Variants in CDC42BPA observed in about 807,000 individuals in gnomAD.
CDC42BPA encodes the protein serine/threonine-protein kinase MRCK alpha.
CDC42BPA carries 80 observed loss-of-function variants against 223.5 expected under a neutral mutation model. That is an observed-to-expected ratio of 0.36 (90% CI 0.30 to 0.43). CDC42BPA has a LOEUF of 0.43. Ranked by LOEUF, CDC42BPA falls within the 20% of genes least tolerant of loss-of-function variation. The pLI, the probability that CDC42BPA is intolerant of heterozygous loss-of-function variation, is 1.00. For missense variants in CDC42BPA, 1,743 were observed against 2,099.9 expected (o/e 0.83, Z 3.32); for synonymous variants, 694 against 718.6 (o/e 0.97, Z 0.55).
chr1:227,223,883 C>T lies in CDC42BPA; in HGVS notation c.271-10664G>A, dbSNP rs1355301535. Among the ~76,000 whole-genome samples the T allele has an allele frequency of 2.7e-5, 4 of 149,342 alleles. No individual in the cohort carries two copies. The East Asian group carries it at 8.1e-4, about 30-fold the overall frequency. Reference sequence around the variant, plus strand: ...CAGTCATGAGGGCAAACAACCGACACTCTACACTGTACAGTATTGCTAGAT... The same window carrying T: ...CAGTCATGAGGGCAAACAACCGACATTCTACACTGTACAGTATTGCTAGAT... On this transcript the variant is annotated intron_variant, in intron 2 of 36. Coordinates refer to ENST00000366766, the MANE Select transcript of CDC42BPA (RefSeq NM_001394014.1).
chr1:227,302,327 G>A (rs761000176), intron 1 of CDC42BPA, among the ~76,000 whole-genome samples: 40 of 152,110 alleles, frequency 2.6e-4, no homozygotes, highest in Non-Finnish European at 4.7e-4. Flanking sequence ...GTAGCCCACA[G>A]GTTACAGAAT....
At position 227,268,883 on chromosome 1, in the gene CDC42BPA, C is replaced by T. The variant is rs1024048175; in HGVS notation, c.179-14728G>A. Reference sequence around the variant, plus strand: ...GTATTTTTTGTAGAGACAGGGTTTGCCATGTTGCCCAGGCTGGTCTCAAAC... The same window carrying T: ...GTATTTTTTGTAGAGACAGGGTTTGTCATGTTGCCCAGGCTGGTCTCAAAC... On this transcript the variant is annotated intron_variant, in intron 1 of 36. Transcript: ENST00000366766. 1.4e-4 allele frequency among the ~76,000 whole-genome samples: 21 copies of T among 150,532 alleles called. No individual in the cohort carries two copies. The East Asian group carries it at 3.7e-3, about 27-fold the overall frequency.
At chr1:227,304,325 A>G (rs1441002687) in intron 1 of CDC42BPA, among the ~76,000 whole-genome samples, 4 of 152,012 alleles carry the variant, frequency 2.6e-5, no homozygotes, top group Admixed American at 2.6e-4. Context: ...AGAATTGCTT[A>G]AACCCAGGAG....
chr1:227,296,687 CAG>C (rs113195533), intron 1 of CDC42BPA, among the ~76,000 whole-genome samples: 3 of 122,358 alleles, frequency 2.5e-5, no homozygotes, highest in Non-Finnish European at 3.2e-5. Context: ...GCCTGGGAAA[CAG>C]AGAGAGACTC....
At chr1:227,256,988 CA>C (rs1683179613) in intron 1 of CDC42BPA, among the ~76,000 whole-genome samples, 11 of 147,918 alleles carry the variant, frequency 7.4e-5, no homozygotes, top group Admixed American at 6.9e-5. Flanking sequence ...CACACACACA[CA>C]CCAGTATGTT....
chr1:227,144,574 C>CAAAAAAAAAAAAAAAAAAAA (rs57568297), intron 8 of CDC42BPA, among the ~76,000 whole-genome samples: 4 of 63,476 alleles, frequency 6.3e-5, no homozygotes, highest in Non-Finnish European at 1.1e-4. Flanking sequence ...GACTCTGTCT[C>CAAAAAAAAAAAAAAAAAAAA]AAAAAAAAAA....
intron 21 of CDC42BPA, among the ~76,000 whole-genome samples, chr1:227,053,148 A>G (rs1201520454): frequency 1.3e-5 from 2 of 152,220 alleles, no homozygotes; most frequent in African/African-American, 4.8e-5. Flanking sequence ...TTTCCTATTG[A>G]TAATTAATGT....
Position 227,193,903 on chromosome 1 carries a change from T to G in CDC42BPA, c.482A>C (p.Asp161Ala). ...YLVMDYYVGG[D>A]LLTLLSKFED... ...AAATTTGCTGAGTAGAGTAAGCAAA[T>G]CCCCACCAACATAATAATCCATAAC... The change falls in exon 5 of 37, where the codon GAT becomes GCT. Residue 161 changes from aspartate (D) to alanine (A), a missense_variant. Around this residue, in one of 6 missense-constraint regions of CDC42BPA, gnomAD observed 321 missense variants for 488.7 expected, o/e 0.66. Coordinates refer to ENST00000366766, the MANE Select transcript of CDC42BPA (RefSeq NM_001394014.1). 6.2e-7 allele frequency: 1 copy of G among 1,611,810 alleles called. No homozygotes were observed. Among genetic ancestry groups the G allele is most frequent in the Non-Finnish European group, 8.5e-7 (1 of 1,179,066 alleles).
At chr1:227,018,216 A>G (rs1666694416) in intron 32 of CDC42BPA, among the ~76,000 whole-genome samples, 1 of 151,980 alleles carries the variant, frequency 6.6e-6, no homozygotes, top group Non-Finnish European at 1.5e-5. Flanking sequence ...GCCCAGCCAA[A>G]GAACAGAATT....
rs776842109 is a variant in CDC42BPA, at chr1:227,196,093, A to AT, written c.451-2160dup. ...TAAAAAGACCATGGCAGCTTTGGGG[A>AT]TTTTTTTTTTAAAAGAGCTCCAGTC... On this transcript the variant is annotated intron_variant, in intron 4 of 36. Transcript: ENST00000366766. 5.8e-3 allele frequency among the ~76,000 whole-genome samples: 831 copies of AT among 143,268 alleles called. 5 individuals carry two copies. Among genetic ancestry groups the AT allele is most frequent in the African/African-American group, 0.02 (753 of 37,128 alleles). 94.0% of individuals were successfully genotyped at this position (143,268 alleles called of 152,430 possible). A position where few individuals can be genotyped will look rare whatever the true frequency, so the allele number is the denominator to read the frequency against.
chr1:227,266,022 A>C (rs953873843), intron 1 of CDC42BPA, among the ~76,000 whole-genome samples: 1 of 152,212 alleles, frequency 6.6e-6, no homozygotes, highest in South Asian at 2.1e-4. Context: ...TAAACAAATG[A>C]ATATCGTATG....
intron 6 of CDC42BPA, among the ~76,000 whole-genome samples, chr1:227,158,837 G>A (rs1187603057): frequency 6.6e-6 from 1 of 152,096 alleles, no homozygotes; most frequent in Non-Finnish European, 1.5e-5. Flanking sequence ...ACCTTCATGA[G>A]GCACTTTATG....
intron 24 of CDC42BPA, among the ~76,000 whole-genome samples, chr1:227,039,069 C>T (rs890302866): frequency 6.6e-6 from 1 of 152,218 alleles, no homozygotes; most frequent in Non-Finnish European, 1.5e-5. Flanking sequence ...CATCAGACAA[C>T]AGCAATTTTG....
At chr1:227,001,237 T>C (rs1419892469) in intron 35 of CDC42BPA, among the ~76,000 whole-genome samples, 1 of 152,206 alleles carries the variant, frequency 6.6e-6, no homozygotes, top group Non-Finnish European at 1.5e-5. Context: ...AAACATTTTA[T>C]ATGAGCTGGG....
chr1:227,206,909 A>G (rs1211444237), intron 3 of CDC42BPA, among the ~76,000 whole-genome samples: 1 of 151,736 alleles, frequency 6.6e-6, no homozygotes, highest in Non-Finnish European at 1.5e-5. Flanking sequence ...ATGCATGGGG[A>G]CTACTTATCT....
At chr1:227,233,774 A>C (rs1023310289) in intron 2 of CDC42BPA, among the ~76,000 whole-genome samples, 6 of 152,042 alleles carry the variant, frequency 3.9e-5, no homozygotes, top group African/African-American at 1.4e-4. Flanking sequence ...CTCTACTAAA[A>C]ATACAAAAAT....
chr1:227,031,841 A>G (rs888854958), intron 27 of CDC42BPA, among the ~76,000 whole-genome samples: 8 of 152,224 alleles, frequency 5.3e-5, no homozygotes, highest in Admixed American at 3.3e-4. Context: ...ACTGAGCACC[A>G]GGTAGATCTA....
intron 10 of CDC42BPA, among the ~76,000 whole-genome samples, chr1:227,130,760 C>T (rs1051615450): frequency 6.6e-6 from 1 of 152,094 alleles, no homozygotes; most frequent in African/African-American, 2.4e-5. Flanking sequence ...GAGGCTGAGG[C>T]AGGAGAAACG....
At chr1:227,164,511 A>T (rs981440618) in intron 5 of CDC42BPA, among the ~76,000 whole-genome samples, 26 of 152,258 alleles carry the variant, frequency 1.7e-4, no homozygotes, top group Admixed American at 1.5e-3. Context: ...ATAAAAAAAA[A>T]TATTAAATCT....
Sources: gnomAD v4.1 joint callset for allele counts (sites outside exome capture counted in the v4.1 genomes callset) on GRCh38, gnomAD v4.1.1 for gene constraint, gnomAD v4.1.1 regional missense constraint, MANE v1.5 for transcripts, NCBI Gene and HGNC (gene_info 2026-07-23, HGNC 2026-07-21) for gene names.